The following CTNND2 variants were observed in gnomAD, a reference collection of about 807,000 sequenced individuals.
CTNND2 encodes catenin delta-2.
Under a neutral mutation model 144.4 loss-of-function variants are expected in CTNND2, and 22 were observed. That is an observed-to-expected ratio of 0.15 (90% CI 0.11 to 0.22). The LOEUF is 0.22. CTNND2 is among the 10% of genes least tolerant of loss of function. The pLI is 1.00. For synonymous variants in CTNND2, 751 were observed against 695.6 expected, an observed-to-expected ratio of 1.08 and a Z score of -1.25; for missense variants, 1,353 against 1,618.8, an observed-to-expected ratio of 0.84 and a Z score of 2.82.
chr5:11,126,262 T>C (rs935905506), intron 12 of CTNND2, among the ~76,000 whole-genome samples: 3 of 152,046 alleles, frequency 2.0e-5, no homozygotes, highest in African/African-American at 4.8e-5. Flanking sequence ...GATCACGCCA[T>C]TGCACTCCAG....
chr5:11,534,900 G>T (rs1774072669), intron 3 of CTNND2, among the ~76,000 whole-genome samples: 1 of 152,046 alleles, frequency 6.6e-6, no homozygotes, highest in South Asian at 2.1e-4. Flanking sequence ...TTCAAAAAAA[G>T]ATTTCTTGGC....
chr5:11,440,553 T>A (rs1387883912), intron 3 of CTNND2, among the ~76,000 whole-genome samples: 1 of 152,162 alleles, frequency 6.6e-6, no homozygotes, highest in African/African-American at 2.4e-5. Flanking sequence ...CTATAAAGAA[T>A]CCCCAAATGA....
chr5:11,220,643 T>C (rs573408349), intron 10 of CTNND2, among the ~76,000 whole-genome samples: 57 of 152,274 alleles, frequency 3.7e-4, no homozygotes, highest in Admixed American at 5.2e-4. Flanking sequence ...GCAGCGAACA[T>C]ACCCTTCTAT....
At chr5:11,541,771 G>A (rs950775783) in intron 3 of CTNND2, among the ~76,000 whole-genome samples, 2 of 150,858 alleles carry the variant, frequency 1.3e-5, no homozygotes, top group Non-Finnish European at 2.9e-5. Context: ...CCCGCAGTCT[G>A]TGTTCTATAT....
intron 2 of CTNND2, among the ~76,000 whole-genome samples, chr5:11,709,632 C>T (rs1785909465): frequency 6.6e-6 from 1 of 152,042 alleles, no homozygotes; most frequent in African/African-American, 2.4e-5. Context: ...GTTAACAATT[C>T]TACAGAAAGC....
At chr5:11,546,238 T>G (rs1233737760) in intron 3 of CTNND2, among the ~76,000 whole-genome samples, 2 of 152,138 alleles carry the variant, frequency 1.3e-5, no homozygotes, top group Non-Finnish European at 2.9e-5. Context: ...CCATTAAATT[T>G]TATATTTAAC....
intron 1 of CTNND2, among the ~76,000 whole-genome samples, chr5:11,738,796 G>A (rs1170863478): frequency 6.6e-6 from 1 of 152,084 alleles, no homozygotes; most frequent in Non-Finnish European, 1.5e-5. Context: ...TTTCCAGTAA[G>A]TTCCTGTGGC....
At chr5:11,751,633 G>T (rs1788628377) in intron 1 of CTNND2, among the ~76,000 whole-genome samples, 3 of 151,722 alleles carry the variant, frequency 2.0e-5, no homozygotes, top group African/African-American at 4.8e-5. Context: ...CCAGTCTACT[G>T]CTAATGGCCA....
chr5:11,246,953 C>T (rs529976665), intron 9 of CTNND2, among the ~76,000 whole-genome samples: 35 of 152,198 alleles, frequency 2.3e-4, no homozygotes, highest in African/African-American at 8.4e-4. Context: ...CTGATGTGTC[C>T]GACATCGCAG....
At chr5:11,412,320 A>AT (rs1025803777) in intron 3 of CTNND2, among the ~76,000 whole-genome samples, 1 of 152,088 alleles carries the variant, frequency 6.6e-6, no homozygotes, top group South Asian at 2.1e-4. Flanking sequence ...AGAAGAGCTC[A>AT]TTTTTTACAA....
At chr5:11,470,590 T>C (rs1208801712) in intron 3 of CTNND2, among the ~76,000 whole-genome samples, 1 of 152,114 alleles carries the variant, frequency 6.6e-6, no homozygotes, top group Non-Finnish European at 1.5e-5. Flanking sequence ...TTTATTTAGA[T>C]TTCCTTCATT....
intron 2 of CTNND2, among the ~76,000 whole-genome samples, chr5:11,669,290 G>A (rs567965625): frequency 5.9e-5 from 9 of 152,264 alleles, no homozygotes; most frequent in African/African-American, 2.2e-4. Flanking sequence ...ATGAGTTAGG[G>A]AGGATTCCCT....
At chr5:11,336,315 T>C (rs1320245736) in intron 9 of CTNND2, among the ~76,000 whole-genome samples, 1 of 152,238 alleles carries the variant, frequency 6.6e-6, no homozygotes, top group Non-Finnish European at 1.5e-5. Flanking sequence ...AGGCATAGTG[T>C]ACTTTGAACA....
chr5:11,299,877 G>T (rs1749403813), intron 9 of CTNND2, among the ~76,000 whole-genome samples: 2 of 152,128 alleles, frequency 1.3e-5, no homozygotes, highest in Admixed American at 1.3e-4. Flanking sequence ...GGGAGATCTG[G>T]CAAAGGCAGG....
intron 2 of CTNND2, among the ~76,000 whole-genome samples, chr5:11,605,081 G>T (rs2126350128): frequency 6.6e-6 from 1 of 152,190 alleles, no homozygotes; most frequent in East Asian, 1.9e-4. Flanking sequence ...AAAAACTCTT[G>T]TACCGTACAG....
intron 5 of CTNND2, among the ~76,000 whole-genome samples, chr5:11,403,676 T>C (rs1488003307): frequency 2.0e-5 from 3 of 152,230 alleles, no homozygotes; most frequent in African/African-American, 4.8e-5. Flanking sequence ...TATTTCTTCA[T>C]AAATAGTTTA....
chr5:11,429,709 A>T (rs1037019916), intron 3 of CTNND2, among the ~76,000 whole-genome samples: 2 of 152,184 alleles, frequency 1.3e-5, no homozygotes, highest in Admixed American at 6.5e-5. Context: ...AATGCACCAC[A>T]GAAGATTAGA....
intron 11 of CTNND2, among the ~76,000 whole-genome samples, chr5:11,189,072 A>G (rs1735979002): frequency 6.6e-6 from 1 of 152,174 alleles, no homozygotes; most frequent in Admixed American, 6.5e-5. Flanking sequence ...CTAATAGCCC[A>G]CAATGGTTCT....
intron 3 of CTNND2, among the ~76,000 whole-genome samples, chr5:11,419,453 A>G (rs566196802): frequency 2.4e-4 from 36 of 152,356 alleles, no homozygotes; most frequent in African/African-American, 8.4e-4. Context: ...ATATAATTAC[A>G]AATAATAGTG....
Sources: allele counts gnomAD v4.1 joint callset (sites outside exome capture counted in the v4.1 genomes callset), GRCh38; gene constraint gnomAD v4.1.1; transcripts MANE v1.5; gene names NCBI Gene and HGNC (gene_info 2026-07-23, HGNC 2026-07-21).